Variants in GCN1 observed in about 807,000 individuals in gnomAD.
The protein encoded by GCN1 is GCN1 activator of EIF2AK4.
In GCN1, 90 loss-of-function variants were observed where a neutral mutation model predicts 288.4. That is an observed-to-expected ratio of 0.31 (90% confidence interval 0.26 to 0.37). The LOEUF (loss-of-function observed/expected upper bound fraction) is 0.37. GCN1 is among the 10% of genes least tolerant of loss of function. GCN1 has a pLI of 1.00. For missense variants in GCN1, 2,586 were observed against 3,419.9 expected, an observed-to-expected ratio of 0.76 and a Z score of 6.08; for synonymous variants, 1,386 against 1,420.2, an observed-to-expected ratio of 0.98 and a Z score of 0.54.
intron 57 of GCN1, among the ~76,000 whole-genome samples, chr12:120,128,837 CTTTTT>C (rs35329199): frequency 1.0e-5 from 1 of 98,414 alleles, no homozygotes; most frequent in African/African-American, 4.6e-5. Flanking sequence ...TCACCCAAAT[CTTTTT>C]TTTTTTTTTT....
chr12:120,159,576 C>T (rs969084720), intron 24 of GCN1, among the ~76,000 whole-genome samples: 1 of 152,170 alleles, frequency 6.6e-6, no homozygotes, highest in Non-Finnish European at 1.5e-5. Context: ...ATACAAAGAT[C>T]GAACACTGAC....
Position 120,161,868 on chromosome 12 carries a change from G to C in GCN1, c.2342+12C>G. ...GGAGCAAAGGAAACTGAGCCCATAA[G>C]TGAGGTCTCACCTCTGAATGATGGA... On this transcript the variant is annotated intron_variant, in intron 21 of 57. Transcript: ENST00000300648. 1.2e-6 allele frequency: 2 copies of C among 1,612,794 alleles called. No individual in the cohort carries two copies. Among genetic ancestry groups the C allele is most frequent in the Non-Finnish European group, 1.7e-6 (2 of 1,178,996 alleles).
chr12:120,138,648 A>G, intron 46 of GCN1, 47 bp downstream of exon 46: 1 of 1,574,132 alleles, frequency 6.4e-7, no homozygotes, highest in Non-Finnish European at 8.7e-7. Flanking sequence ...ATCTACAAAG[A>G]CGGCAAAAGC....
At chr12:120,140,364 T>A (rs975377512) in intron 45 of GCN1, among the ~76,000 whole-genome samples, 2 of 152,160 alleles carry the variant, frequency 1.3e-5, no homozygotes, top group Non-Finnish European at 2.9e-5. Flanking sequence ...ACGTTGCTGC[T>A]ATGGAAACAG....
chr12:120,157,819 C>G, intron 26 of GCN1, 30 bp downstream of exon 26: 1 of 1,594,628 alleles, frequency 6.3e-7, no homozygotes, highest in Non-Finnish European at 8.6e-7. Flanking sequence ...CCCCTTTAAA[C>G]CAAGAGGAGA....
intron 5 of GCN1, among the ~76,000 whole-genome samples, chr12:120,181,242 G>C (rs1250557142): frequency 6.6e-6 from 1 of 151,864 alleles, no homozygotes; most frequent in East Asian, 1.9e-4. Context: ...GCAGCAGGTG[G>C]TTCCCTTGAG....
chr12:120,144,475 A>G lies in GCN1; in HGVS notation c.5353-27T>C. 3 of 1,602,442 alleles carry G rather than the reference A, an allele frequency of 1.9e-6. No individual in the cohort carries two copies. Among genetic ancestry groups the G allele is most frequent in the Non-Finnish European group, 2.6e-6 (3 of 1,172,746 alleles). ...TGGGCACACAGAGGGTGGGTCAGCCAGAGCTGCCACCCCCAGGCCCCCAGC... is the reference window on the plus strand; with the variant it reads ...TGGGCACACAGAGGGTGGGTCAGCCGGAGCTGCCACCCCCAGGCCCCCAGC... On this transcript the variant is annotated intron_variant, in intron 41 of 57. Coordinates refer to ENST00000300648, the MANE Select transcript of GCN1 (RefSeq NM_006836.2). This position sits in a 1 kb window ranked among gnomAD's most constrained non-coding sequence, Gnocchi z 4.7.
intron 18 of GCN1, among the ~76,000 whole-genome samples, chr12:120,163,650 G>A (rs1298467122): frequency 6.6e-6 from 1 of 151,982 alleles, no homozygotes; most frequent in Admixed American, 6.5e-5. Flanking sequence ...CGTCGGGGGA[G>A]ACCCTGTGCA....
intron 22 of GCN1, 53 bp downstream of exon 22, chr12:120,161,437 T>C: frequency 8.2e-7 from 1 of 1,221,228 alleles, no homozygotes; most frequent in Non-Finnish European, 1.2e-6. Flanking sequence ...AGCCACCAGC[T>C]TGAGGCCACC....
Position 120,156,798 on chromosome 12 carries a change from C to A in GCN1, c.3168+114G>T, listed in dbSNP as rs1398355273. On this transcript the variant is annotated intron_variant, in intron 27 of 57. Coordinates refer to ENST00000300648, the MANE Select transcript of GCN1 (RefSeq NM_006836.2). The surrounding 1 kb of genome is among the most constrained non-coding windows in gnomAD (Gnocchi z 5.8). ...CTGGCTCTCTAAAGCAGTCTTTCTA[C>A]CAAAGTCCAAAAGTAAGGGCTGAAA... The A allele has an allele frequency of 2.1e-6, 2 of 956,470 alleles. No homozygotes were observed. The highest frequency in any genetic ancestry group is 1.6e-5 in the African/African-American group (1 of 62,118). 59.2% of individuals were successfully genotyped at this position (956,470 alleles called of 1,614,324 possible). A position where few individuals can be genotyped will look rare whatever the true frequency, so the allele number is the denominator to read the frequency against.
chr12:120,141,596 C>T (rs12297328), intron 44 of GCN1, among the ~76,000 whole-genome samples: 3,418 of 152,322 alleles, frequency 0.022, 151 homozygotes, highest in African/African-American at 0.078. Flanking sequence ...CTGCTCCTCC[C>T]TGCCTCCTCA....
intron 20 of GCN1, 23 bp downstream of exon 20, chr12:120,162,824 A>G: frequency 1.2e-6 from 2 of 1,612,664 alleles, no homozygotes; most frequent in Non-Finnish European, 1.7e-6. Flanking sequence ...ACCTGAGGCC[A>G]GACCAGCTCA....
intron 38 of GCN1, among the ~76,000 whole-genome samples, 176 bp downstream of exon 38, chr12:120,146,876 G>A (rs1247329725): frequency 3.3e-5 from 5 of 152,186 alleles, no homozygotes; most frequent in Admixed American, 2.0e-4. Context: ...GAACCACTGC[G>A]CTAAGATGCC....
intron 53 of GCN1, among the ~76,000 whole-genome samples, chr12:120,133,716 A>G (rs1369795731): frequency 6.6e-6 from 1 of 152,248 alleles, no homozygotes; most frequent in African/African-American, 2.4e-5. Context: ...CTTTAAGATC[A>G]GAGAGCAAAT....
At chr12:120,188,848 CAAA>C (rs780062013) in intron 2 of GCN1, among the ~76,000 whole-genome samples, 2 of 70,934 alleles carry the variant, frequency 2.8e-5, no homozygotes, top group African/African-American at 5.1e-5. Context: ...GACTCCGTCT[CAAA>C]AAAAAAAAAA....
chr12:120,190,645 T>C (rs969761222), intron 1 of GCN1, among the ~76,000 whole-genome samples: 1 of 152,116 alleles, frequency 6.6e-6, no homozygotes, highest in East Asian at 1.9e-4. Context: ...TGTGACATTG[T>C]CAAATGTCTC....
chr12:120,150,215 C>T (rs1321907086), intron 34 of GCN1, among the ~76,000 whole-genome samples, 172 bp from the exon 35 acceptor site: 1 of 152,082 alleles, frequency 6.6e-6, no homozygotes, highest in Non-Finnish European at 1.5e-5. Flanking sequence ...TGCCTCAGCT[C>T]AAGAAGCCCC....
At chr12:120,188,220 G>A (rs906174074) in intron 2 of GCN1, among the ~76,000 whole-genome samples, 1 of 152,026 alleles carries the variant, frequency 6.6e-6, no homozygotes, top group South Asian at 2.1e-4. Flanking sequence ...GATAACCTGA[G>A]ATCAGGAGTT....
At chr12:120,193,782 A>C (rs1879083088) in intron 1 of GCN1, among the ~76,000 whole-genome samples, 2 of 152,142 alleles carry the variant, frequency 1.3e-5, no homozygotes, top group Non-Finnish European at 2.9e-5. Context: ...GTACAACATA[A>C]CTTGAACATC....
Sources: allele counts gnomAD v4.1 joint callset (sites outside exome capture counted in the v4.1 genomes callset), GRCh38; gene constraint gnomAD v4.1.1; non-coding constraint Gnocchi (gnomAD v3.1); transcripts MANE v1.5; gene names NCBI Gene and HGNC (gene_info 2026-07-23, HGNC 2026-07-21).